RIPOR2: variants seen among roughly 807,000 people sequenced by gnomAD.
RIPOR2 encodes rho family-interacting cell polarization regulator 2.
A neutral mutation model predicts 114.5 loss-of-function variants in RIPOR2; 39 were observed. The ratio of observed to expected loss-of-function variants is 0.34; its 90% CI spans 0.26 to 0.44. The LOEUF (loss-of-function observed/expected upper bound fraction) is 0.44, where lower values mean the gene tolerates loss of function less well. Among genes scored for constraint, RIPOR2 ranks in the 20% least tolerant of loss-of-function variants. The probability of loss-of-function intolerance (pLI) is 1.00; values close to 1 mark genes in which losing one functional copy is unlikely to be tolerated. For synonymous variants in RIPOR2, 445 were observed against 484.4 expected (o/e 0.92, Z 1.07); for missense variants, 1,007 against 1,255.1 (o/e 0.80, Z 2.99).
At chr6:24,990,043 A>T (rs893703360) in intron 1 of RIPOR2, among the ~76,000 whole-genome samples, 24 of 152,288 alleles carry the variant, frequency 1.6e-4, no homozygotes, top group African/African-American at 4.8e-4. Context: ...AAAATAAAAA[A>T]AAATAAAAAA....
At chr6:24,835,255 T>C (rs1352003899) in intron 15 of RIPOR2, among the ~76,000 whole-genome samples, 1 of 152,214 alleles carries the variant, frequency 6.6e-6, no homozygotes, top group Non-Finnish European at 1.5e-5. Context: ...GAATTACTTA[T>C]TCAAGGTCCA....
At chr6:24,852,240 C>T (rs1763029655) in intron 9 of RIPOR2, among the ~76,000 whole-genome samples, 2 of 151,748 alleles carry the variant, frequency 1.3e-5, no homozygotes, top group South Asian at 2.1e-4. Flanking sequence ...CCAGCCTGGG[C>T]AACAGAGCGA....
At chr6:24,868,951 A>C in intron 6 of RIPOR2, 143 bp downstream of exon 6, 1 of 546,396 alleles carries the variant, frequency 1.8e-6, no homozygotes, top group Non-Finnish European at 3.3e-6. Flanking sequence ...TTTAGTGCCC[A>C]CTTGATGACG....
intron 9 of RIPOR2, among the ~76,000 whole-genome samples, chr6:24,852,095 A>G (rs769931567): frequency 4.7e-4 from 72 of 152,086 alleles, no homozygotes; most frequent in Middle Eastern, 3.4e-3. Context: ...CCCCATCTCT[A>G]CTAAAAATAC....
upstream of RIPOR2, among the ~76,000 whole-genome samples, chr6:24,940,051 T>C (rs7742242): frequency 0.12 from 18,702 of 152,198 alleles, 1,403 homozygotes; most frequent in East Asian, 0.33. Context: ...CCTACTATAT[T>C]TCAGGTATGG....
intron 19 of RIPOR2, among the ~76,000 whole-genome samples, chr6:24,821,659 T>C (rs1333826194): frequency 1.3e-5 from 2 of 152,234 alleles, no homozygotes; most frequent in Non-Finnish European, 2.9e-5. Flanking sequence ...TTTTGGCCTC[T>C]ACTCACTTGA....
At chr6:24,994,497 C>T (rs201593376) in intron 1 of RIPOR2, among the ~76,000 whole-genome samples, 6 of 152,276 alleles carry the variant, frequency 3.9e-5, no homozygotes, top group Middle Eastern at 3.4e-3. Context: ...AAAGCATTTC[C>T]GATCTGTTGT....
At chr6:24,967,309 TAAG>T (rs1773569817) in intron 1 of RIPOR2, among the ~76,000 whole-genome samples, 1 of 152,204 alleles carries the variant, frequency 6.6e-6, no homozygotes, top group African/African-American at 2.4e-5. Flanking sequence ...AACTGGTGAA[TAAG>T]AAGAAGCATG....
chr6:24,985,359 T>A lies in RIPOR2; in HGVS notation c.76+56492A>T, dbSNP rs370396953. Among the ~76,000 whole-genome samples, 194 of 90,750 alleles carry A rather than the reference T, an allele frequency of 2.1e-3. 1 individual carries two copies. In the South Asian group the frequency reaches 0.033, roughly 15 times the overall value. 59.5% of individuals were successfully genotyped at this position (90,750 alleles called of 152,430 possible). On this transcript the variant is annotated intron_variant, in intron 1 of 13. Transcript: ENST00000510784. ...GCAAGAGGTGGGACCAGGGGCTCCA[T>A]AGACCAAGTGATTTTTTTTTTTTAA...
At chr6:25,022,720 T>A (rs1776392564) in intron 1 of RIPOR2, among the ~76,000 whole-genome samples, 1 of 151,630 alleles carries the variant, frequency 6.6e-6, no homozygotes, top group Non-Finnish European at 1.5e-5. Flanking sequence ...AATTTTTTGA[T>A]TGTTTTGTAG....
chr6:24,897,395 G>A (rs978987931), intron 1 of RIPOR2, among the ~76,000 whole-genome samples: 7 of 152,244 alleles, frequency 4.6e-5, no homozygotes, highest in African/African-American at 1.4e-4. Context: ...AGGGTGAAGA[G>A]AGAAGGGGGC....
chr6:24,912,330 C>A (rs910983654), intron 1 of RIPOR2, among the ~76,000 whole-genome samples: 1 of 152,084 alleles, frequency 6.6e-6, no homozygotes, highest in Non-Finnish European at 1.5e-5. Flanking sequence ...CCTTTTATTT[C>A]CCTTGCCAAC....
chr6:24,843,674 T>C, intron 12 of RIPOR2, 120 bp from the exon 13 acceptor site: 1 of 687,780 alleles, frequency 1.5e-6, no homozygotes, highest in Non-Finnish European at 2.4e-6. Context: ...ACTTTCAGAA[T>C]GTTAGCATTT....
At chr6:24,826,472 G>A (rs1760195863) in intron 18 of RIPOR2, among the ~76,000 whole-genome samples, 1 of 149,516 alleles carries the variant, frequency 6.7e-6, no homozygotes, top group African/African-American at 2.5e-5. Context: ...CTACACAGTA[G>A]ACAAATTTGT....
chr6:24,941,249 AAAG>A (rs1772118047), intron 1 of RIPOR2, among the ~76,000 whole-genome samples: 1 of 152,172 alleles, frequency 6.6e-6, no homozygotes, highest in Non-Finnish European at 1.5e-5. Flanking sequence ...TCCACTTACG[AAAG>A]AAGGAGAAGA....
At chr6:24,836,611 T>C (rs1489819638) in intron 14 of RIPOR2, among the ~76,000 whole-genome samples, 1 of 152,194 alleles carries the variant, frequency 6.6e-6, no homozygotes, top group Non-Finnish European at 1.5e-5. Context: ...GTGTCCTGGT[T>C]CACACAGCTA....
In RIPOR2 at chr6:25,029,411, G is replaced by GAAAAAAAAA. The variant is rs71544610; in HGVS notation, c.76+12431_76+12439dup. On this transcript the variant is annotated intron_variant, in intron 1 of 13. Transcript: ENST00000510784. ...CAGAGCGAGACTCCGTCTCAAAAAA[G>GAAAAAAAAA]AAAAAAAAAAAAAAAAAAAAAAGAA... Among the ~76,000 whole-genome samples the GAAAAAAAAA allele has an allele frequency of 7.0e-4, 63 of 90,434 alleles. 1 individual carries two copies. The highest frequency in any genetic ancestry group is 8.5e-4 in the Non-Finnish European group (42 of 49,330). 59.3% of individuals were successfully genotyped at this position (90,434 alleles called of 152,430 possible).
intron 1 of RIPOR2, among the ~76,000 whole-genome samples, chr6:24,986,538 G>GA (rs964349691): frequency 1.5e-4 from 22 of 148,214 alleles, no homozygotes; most frequent in South Asian, 4.3e-4. Context: ...GTAGTTGCCA[G>GA]AAAAAAAAAA....
intron 1 of RIPOR2, among the ~76,000 whole-genome samples, chr6:25,012,864 G>A (rs1042887074): frequency 6.6e-6 from 1 of 152,102 alleles, no homozygotes; most frequent in East Asian, 1.9e-4. Context: ...TGTTTTGAAA[G>A]GTCAAATTTT....
Sources: allele counts gnomAD v4.1 joint callset (sites outside exome capture counted in the v4.1 genomes callset), GRCh38; gene constraint gnomAD v4.1.1; transcripts MANE v1.5; gene names NCBI Gene and HGNC (gene_info 2026-07-23, HGNC 2026-07-21).